Variants in PPP1R9A observed in about 807,000 individuals in gnomAD.
PPP1R9A encodes neurabin-1.
Under a neutral mutation model 141.9 loss-of-function variants are expected in PPP1R9A, and 59 were observed. That is an observed-to-expected ratio of 0.42 (90% CI 0.34 to 0.52). The LOEUF is 0.52. PPP1R9A is among the 20% of genes least tolerant of loss of function. The pLI, the probability that PPP1R9A is intolerant of heterozygous loss-of-function variation, is 0.10. For synonymous variants in PPP1R9A, 500 were observed against 569.7 expected (o/e 0.88, Z 1.74); for missense variants, 1,444 against 1,611.9 (o/e 0.90, Z 1.78).
intron 2 of PPP1R9A, among the ~76,000 whole-genome samples, chr7:94,921,402 G>C (rs1255705371): frequency 6.6e-6 from 1 of 150,742 alleles, no homozygotes; most frequent in Admixed American, 6.6e-5. Context: ...AGCTGAGAGG[G>C]CGCCACTGCA....
intron 2 of PPP1R9A, among the ~76,000 whole-genome samples, chr7:95,075,186 A>T (rs1013015522): frequency 6.6e-6 from 1 of 151,984 alleles, no homozygotes; most frequent in African/African-American, 2.4e-5. Flanking sequence ...ATGTTTTCAG[A>T]TTCTTATATT....
chr7:94,967,184 G>T (rs2151185277), intron 2 of PPP1R9A, among the ~76,000 whole-genome samples: 1 of 152,138 alleles, frequency 6.6e-6, no homozygotes, highest in Non-Finnish European at 1.5e-5. Context: ...CATTTTTGTT[G>T]TGTCTATTTG....
At chr7:94,943,424 G>C (rs1795552280) in intron 2 of PPP1R9A, among the ~76,000 whole-genome samples, 1 of 152,162 alleles carries the variant, frequency 6.6e-6, no homozygotes, top group Non-Finnish European at 1.5e-5. Context: ...TGCCATTTAA[G>C]CTCTGTAGAA....
At chr7:95,135,609 A>T (rs1160003914) in intron 4 of PPP1R9A, among the ~76,000 whole-genome samples, 1 of 151,720 alleles carries the variant, frequency 6.6e-6, no homozygotes, top group East Asian at 1.9e-4. Flanking sequence ...TTTTGCTTTT[A>T]TTTTTTTCTT....
chr7:94,999,777 TTTTATTTATTTATTTATTTATTTATTTA>T (rs34600036), intron 2 of PPP1R9A, among the ~76,000 whole-genome samples: 1 of 141,304 alleles, frequency 7.1e-6, no homozygotes, highest in Non-Finnish European at 1.5e-5. Flanking sequence ...AGATATCTTA[TTTTATTTATTTATTTATTTATTTATTTA>T]TTTATTTATT....
chr7:95,176,062 G>A (rs147291971), intron 5 of PPP1R9A, among the ~76,000 whole-genome samples: 4 of 151,972 alleles, frequency 2.6e-5, no homozygotes, highest in African/African-American at 4.8e-5. Context: ...CAGAAAACCC[G>A]AGAGGACCCA....
chr7:95,137,075 CT>C (rs930105514), intron 4 of PPP1R9A, among the ~76,000 whole-genome samples: 7 of 150,808 alleles, frequency 4.6e-5, no homozygotes, highest in East Asian at 3.9e-4. Context: ...AGATGCAAGT[CT>C]TTTTTTTTAA....
chr7:94,931,808 C>G (rs1055357298), intron 2 of PPP1R9A, among the ~76,000 whole-genome samples: 1 of 152,178 alleles, frequency 6.6e-6, no homozygotes, highest in African/African-American at 2.4e-5. Flanking sequence ...GAACTGCCGA[C>G]CTCAGGTCAT....
At chr7:94,946,496 T>G (rs1038027140) in intron 2 of PPP1R9A, among the ~76,000 whole-genome samples, 14 of 152,002 alleles carry the variant, frequency 9.2e-5, no homozygotes, top group African/African-American at 3.4e-4. Context: ...TTACCTTACT[T>G]TTTTCAGGTC....
intron 4 of PPP1R9A, among the ~76,000 whole-genome samples, chr7:95,139,326 C>T (rs549662321): frequency 6.9e-4 from 105 of 152,226 alleles, no homozygotes; most frequent in African/African-American, 2.4e-3. Context: ...CTCACTATCA[C>T]GAGAACAGTA....
rs991582215 is a variant in PPP1R9A, at chr7:95,289,983, C to T, written c.3913-108C>T. On this transcript the variant is annotated intron_variant, in intron 19 of 19. Coordinates refer to ENST00000433360, the MANE Select transcript of PPP1R9A (RefSeq NM_001166160.2). ...GTAACTAGTTCTTCCTCTGTTCTTA[C>T]CTCTTCAATGTTTGAATTAGTTTAC... is the stretch of plus-strand genomic sequence containing the variant. 4 of 1,499,850 alleles carry T rather than the reference C, an allele frequency of 2.7e-6. No individual in the cohort carries two copies. In the African/African-American group the frequency reaches 5.6e-5, roughly 21 times the overall value. The allele number at this position is 1,499,850 out of a possible 1,614,324, so 92.9% of individuals were successfully genotyped here. A position where few individuals can be genotyped will look rare whatever the true frequency, so the allele number is the denominator to read the frequency against.
At position 94,969,575 on chromosome 7, in the gene PPP1R9A, T is replaced by A. The variant is rs1186851922; in HGVS notation, c.1395+58067T>A. ...AGTCAGATCTCTCCTGTATGAGGTA[T>A]CTGTCGACCCCTGCTGGGAGGTGTC... On this transcript the variant is annotated intron_variant, in intron 2 of 19. Transcript: ENST00000433360. 2.0e-5 allele frequency among the ~76,000 whole-genome samples: 3 copies of A among 152,250 alleles called. No homozygotes were observed. The East Asian group carries it at 5.8e-4, about 30-fold the overall frequency.
chr7:95,232,103 T>A (rs1405985612), intron 8 of PPP1R9A, among the ~76,000 whole-genome samples: 1 of 152,128 alleles, frequency 6.6e-6, no homozygotes, highest in Admixed American at 6.5e-5. Flanking sequence ...TCAAGGCTAC[T>A]ATGAAAACCT....
intron 2 of PPP1R9A, among the ~76,000 whole-genome samples, chr7:94,937,226 C>G (rs1219444049): frequency 6.6e-6 from 1 of 152,042 alleles, no homozygotes; most frequent in Non-Finnish European, 1.5e-5. Context: ...CCTTTCTTGT[C>G]CTCCAAGCTC....
rs577505373 is a variant in PPP1R9A at position 95,078,022 on chromosome 7, C to T, written c.1396-33237C>T. On this transcript the variant is annotated intron_variant, in intron 2 of 19. Coordinates refer to ENST00000433360, the MANE Select transcript of PPP1R9A (RefSeq NM_001166160.2). ...ACTTTTAAGTTTTAGGGTACATGTG[C>T]ACAACGTGCAGGTTAGTTACATATG... Among the ~76,000 whole-genome samples, 1,076 of 150,002 alleles carry T rather than the reference C, an allele frequency of 7.2e-3. 5 individuals are homozygous for T. The highest frequency in any genetic ancestry group is 0.025 in the African/African-American group (1,019 of 40,844).
intron 2 of PPP1R9A, among the ~76,000 whole-genome samples, chr7:95,049,340 G>A (rs1486104466): frequency 6.6e-6 from 1 of 152,034 alleles, no homozygotes; most frequent in East Asian, 1.9e-4. Flanking sequence ...AAGAGATTGG[G>A]TTAAAAAAAG....
chr7:94,929,559 A>G (rs942849517), intron 2 of PPP1R9A, among the ~76,000 whole-genome samples: 1 of 152,214 alleles, frequency 6.6e-6, no homozygotes, highest in Non-Finnish European at 1.5e-5. Context: ...ATGGTAAGGC[A>G]TGTACCACAA....
chr7:94,923,179 T>C (rs1045217429), intron 2 of PPP1R9A, among the ~76,000 whole-genome samples: 1 of 152,172 alleles, frequency 6.6e-6, no homozygotes, highest in East Asian at 1.9e-4. Context: ...TTTTAAATTG[T>C]GATTATATAG....
chr7:95,128,413 G>A (rs143538338), intron 4 of PPP1R9A, among the ~76,000 whole-genome samples: 110 of 152,142 alleles, frequency 7.2e-4, no homozygotes, highest in African/African-American at 2.4e-3. Context: ...CTGGGTATTC[G>A]ACTTTTGTCA....
Sources: allele counts gnomAD v4.1 joint callset (sites outside exome capture counted in the v4.1 genomes callset), GRCh38; gene constraint gnomAD v4.1.1; transcripts MANE v1.5; gene names NCBI Gene and HGNC (gene_info 2026-07-23, HGNC 2026-07-21).